The following COMMD1 variants were observed in gnomAD, a reference collection of about 807,000 sequenced individuals.
The protein encoded by COMMD1 is copper metabolism domain containing 1.
A neutral mutation model predicts 17.2 loss-of-function variants in COMMD1; 10 were observed. The ratio of observed to expected loss-of-function variants is 0.58; its 90% CI spans 0.36 to 0.99. The LOEUF is 0.99. Ranked by LOEUF, COMMD1 falls within the 50% of genes least tolerant of loss-of-function variation. The pLI is 0.01. For missense variants in COMMD1, 270 were observed against 231.8 expected (o/e 1.17, Z -1.07); for synonymous variants, 97 against 91.6 (o/e 1.06, Z -0.34).
At chr2:61,959,214 T>C (rs2103689827) in intron 1 of COMMD1, among the ~76,000 whole-genome samples, 1 of 152,340 alleles carries the variant, frequency 6.6e-6, no homozygotes, top group Non-Finnish European at 1.5e-5. Context: ...CATTTGCGTA[T>C]GTATGCATGG....
chr2:62,083,810 C>A (rs1403012022), intron 2 of COMMD1, among the ~76,000 whole-genome samples: 1 of 152,160 alleles, frequency 6.6e-6, no homozygotes, highest in Non-Finnish European at 1.5e-5. Flanking sequence ...TATAAGGGAT[C>A]CAACATCTGA....
chr2:61,993,497 C>T (rs1213782715), intron 1 of COMMD1, among the ~76,000 whole-genome samples: 2 of 152,106 alleles, frequency 1.3e-5, no homozygotes, highest in African/African-American at 4.8e-5. Context: ...AATAGCTGGG[C>T]GCTGATATTT....
chr2:62,094,759 A>C (rs2104006473), intron 2 of COMMD1, among the ~76,000 whole-genome samples: 1 of 152,332 alleles, frequency 6.6e-6, no homozygotes. Context: ...AAATATGCTT[A>C]TAAAAAGGAA....
At chr2:61,949,477 A>C (rs1413580955) in intron 1 of COMMD1, among the ~76,000 whole-genome samples, 1 of 152,194 alleles carries the variant, frequency 6.6e-6, no homozygotes, top group Non-Finnish European at 1.5e-5. Flanking sequence ...TGAAATAATA[A>C]GCCTTTTTAT....
chr2:61,928,977 A>C (rs1016082613), intron 1 of COMMD1, among the ~76,000 whole-genome samples: 1 of 152,240 alleles, frequency 6.6e-6, no homozygotes, highest in Non-Finnish European at 1.5e-5. Context: ...AGTGCATTCC[A>C]TGAGGGAAGG....
At chr2:62,019,533 T>C (rs1669555560) in intron 2 of COMMD1, among the ~76,000 whole-genome samples, 3 of 152,116 alleles carry the variant, frequency 2.0e-5, no homozygotes, top group Admixed American at 2.0e-4. Context: ...CCTCATGATA[T>C]AAACATCTCC....
intron 2 of COMMD1, among the ~76,000 whole-genome samples, chr2:62,072,840 C>T (rs1359750595): frequency 6.6e-6 from 1 of 152,252 alleles, no homozygotes; most frequent in African/African-American, 2.4e-5. Flanking sequence ...GAGTCTGGAG[C>T]TGTCTGCCCT....
chr2:62,114,268 T>C (rs1272682514), intron 2 of COMMD1, among the ~76,000 whole-genome samples: 1 of 152,204 alleles, frequency 6.6e-6, no homozygotes, highest in African/African-American at 2.4e-5. Flanking sequence ...TGTTCTAATC[T>C]CTTACACAGA....
intron 2 of COMMD1, among the ~76,000 whole-genome samples, chr2:62,077,526 C>T (rs73936010): frequency 0.047 from 7,116 of 152,140 alleles, 561 homozygotes; most frequent in African/African-American, 0.16. Flanking sequence ...TATAGCCTCC[C>T]ACACATCCCT....
chr2:62,117,882 C>T (rs1272880792), intron 2 of COMMD1, among the ~76,000 whole-genome samples: 1 of 152,124 alleles, frequency 6.6e-6, no homozygotes, highest in African/African-American at 2.4e-5. Context: ...ATGATCCCTG[C>T]ACCCTGCCCC....
At chr2:62,117,529 A>C (rs968693948) in intron 2 of COMMD1, among the ~76,000 whole-genome samples, 5 of 152,204 alleles carry the variant, frequency 3.3e-5, no homozygotes, top group African/African-American at 1.2e-4. Context: ...CAGCTCTGCT[A>C]CTTACTACTT....
At chr2:61,891,461 C>T (rs1469138648) in intron 1 of COMMD1, among the ~76,000 whole-genome samples, 4 of 152,108 alleles carry the variant, frequency 2.6e-5, no homozygotes, top group Admixed American at 6.6e-5. Flanking sequence ...CATGGCCGGG[C>T]GTGGTGGCTC....
chr2:62,031,759 A>G (rs1489756406), intron 2 of COMMD1, among the ~76,000 whole-genome samples: 1 of 152,224 alleles, frequency 6.6e-6, no homozygotes, highest in Non-Finnish European at 1.5e-5. Flanking sequence ...AAATAGCTCC[A>G]CATTCTCAGG....
At chr2:61,924,749 C>T (rs894151029) in intron 1 of COMMD1, among the ~76,000 whole-genome samples, 2 of 152,144 alleles carry the variant, frequency 1.3e-5, no homozygotes, top group African/African-American at 4.8e-5. Flanking sequence ...TGCAGTATTG[C>T]AGTGAAAGAT....
chr2:62,130,166 AAAAC>A (rs1486156218), intron 2 of COMMD1, among the ~76,000 whole-genome samples: 7 of 151,568 alleles, frequency 4.6e-5, no homozygotes, highest in Non-Finnish European at 8.8e-5. Flanking sequence ...AAAAAAAAAA[AAAAC>A]AAACAAAAAA....
chr2:62,091,067 A>C (rs986350690), intron 2 of COMMD1, among the ~76,000 whole-genome samples: 2 of 152,222 alleles, frequency 1.3e-5, no homozygotes, highest in Non-Finnish European at 2.9e-5. Context: ...TGAGGATTGT[A>C]GGCCATTGCT....
At chr2:62,003,337 C>T (rs1247753998) in intron 2 of COMMD1, among the ~76,000 whole-genome samples, 5 of 151,348 alleles carry the variant, frequency 3.3e-5, no homozygotes, top group African/African-American at 4.9e-5. Flanking sequence ...ATCAGGAGAT[C>T]GAGACCATCC....
At chr2:62,092,291 T>C (rs539976853) in intron 2 of COMMD1, among the ~76,000 whole-genome samples, 2 of 152,278 alleles carry the variant, frequency 1.3e-5, no homozygotes, top group Non-Finnish European at 2.9e-5. Context: ...CAATATTCTA[T>C]AGCAAGGAAA....
chr2:61,900,291 G>A (rs1015128208), intron 1 of COMMD1, among the ~76,000 whole-genome samples: 2 of 152,232 alleles, frequency 1.3e-5, no homozygotes, highest in Non-Finnish European at 2.9e-5. Context: ...CTGAAGTGGG[G>A]ACTTACAAGT....
Sources: allele counts gnomAD v4.1 joint callset (sites outside exome capture counted in the v4.1 genomes callset), GRCh38; gene constraint gnomAD v4.1.1; transcripts MANE v1.5; gene names NCBI Gene and HGNC (gene_info 2026-07-23, HGNC 2026-07-21).